The following MORN3 variants were observed in gnomAD, a reference collection of about 807,000 sequenced individuals.
MORN3 encodes the protein MORN repeat containing 3, also known as MORN repeat-containing protein 3.
A neutral mutation model predicts 34.7 loss-of-function variants in MORN3; 38 were observed. The ratio of observed to expected loss-of-function variants is 1.10; its 90% confidence interval spans 0.85 to 1.44. MORN3 has a LOEUF of 1.44. Among genes scored for constraint, MORN3 ranks in the 40% most tolerant of loss-of-function variants. The pLI is 0.00. For synonymous variants in MORN3, 109 were observed against 115.3 expected (o/e 0.95, Z 0.35); for missense variants, 311 against 321.7 (o/e 0.97, Z 0.25).
upstream of MORN3, among the ~76,000 whole-genome samples, chr12:121,672,382 C>T (rs1163430855): frequency 6.6e-6 from 1 of 152,130 alleles, no homozygotes; most frequent in Non-Finnish European, 1.5e-5. Context: ...ATGCCTTGAT[C>T]CTAGGAGGTC....
intron 1 of MORN3, among the ~76,000 whole-genome samples, chr12:121,668,400 G>A (rs1020312553): frequency 3.9e-5 from 6 of 152,074 alleles, no homozygotes; most frequent in Non-Finnish European, 7.4e-5. Context: ...AAGTAGCCAG[G>A]CGTGGTGGCA....
At chr12:121,663,304 T>G (rs1446185282) in intron 1 of MORN3, among the ~76,000 whole-genome samples, 1 of 151,802 alleles carries the variant, frequency 6.6e-6, no homozygotes, top group African/African-American at 2.4e-5. Context: ...GTTCAAGCGA[T>G]TCTCCTGTCT....
intron 1 of MORN3, among the ~76,000 whole-genome samples, chr12:121,664,282 C>A (rs1315942529): frequency 6.6e-6 from 1 of 152,214 alleles, no homozygotes; most frequent in South Asian, 2.1e-4. Context: ...ATGAAAGAGG[C>A]CTGATGAATA....
chr12:121,654,318 T>G lies in MORN3; in HGVS notation c.419A>C (p.Gln140Pro). 1 of 1,602,478 alleles carries G rather than the reference T, an allele frequency of 6.2e-7. No individual in the cohort carries two copies. The highest frequency in any genetic ancestry group is 1.1e-5 in the South Asian group (1 of 88,782). ...YYSNGDIYEG[Q>P]WENDKPNGEG... ...CCCGTTGGGCTTGTCGTTCTCCCAC[T>G]GTCCCTCGTAGATGTCGCCGTTGCT... Residue 140 changes from glutamine (Q) to proline (P), a missense_variant, in exon 3 of 6, where the codon CAG (glutamine) becomes CCG (proline). Physicochemically the swap from Gln to Pro is moderately conservative, Grantham distance 76. Transcript: ENST00000355329.
intron 5 of MORN3, among the ~76,000 whole-genome samples, chr12:121,652,158 AC>A (rs1267214178): frequency 3.3e-5 from 5 of 151,496 alleles, no homozygotes; most frequent in African/African-American, 1.2e-4. Context: ...CTAGTCTTGA[AC>A]TCCTGACCTC....
Position 121,652,736 on chromosome 12 carries a change from A to G in MORN3, c.721T>C (p.Ter241ArgextTer35). ...AMFRKTEEGD* is the reference protein window; with the variant it reads ...AMFRKTEEGDR Reference sequence around the variant, plus strand: ...GTGTGCCCACCCCTCACCTGGCATCAATCTCCTTCCTCTGTCTTCCTGAAC... The same window carrying G: ...GTGTGCCCACCCCTCACCTGGCATCGATCTCCTTCCTCTGTCTTCCTGAAC... The change falls in exon 5 of 6, where the codon TGA becomes CGA. Residue 241 changes from the stop codon to arginine (R), a stop_lost. Coordinates refer to ENST00000355329, the MANE Select transcript of MORN3 (RefSeq NM_173855.5). The G allele has an allele frequency of 6.2e-7, 1 of 1,614,110 alleles. No homozygotes were observed. Among genetic ancestry groups the G allele is most frequent in the Non-Finnish European group, 8.5e-7 (1 of 1,179,978 alleles).
rs782132054 is a variant in MORN3, at chr12:121,653,058, TGGTG to T, written c.648+13_648+16del. The T allele has an allele frequency of 6.3e-7, 1 of 1,592,966 alleles. No homozygotes were observed. ...CTGTCTGGGTGTGGCCACAGGGCCCTGGTGAGGGCTGCCCACCTCAGGAATGGGG... is the reference window on the plus strand; with the variant it reads ...CTGTCTGGGTGTGGCCACAGGGCCCTAGGGCTGCCCACCTCAGGAATGGGG... On this transcript the variant is annotated intron_variant, in intron 4 of 5. Transcript: ENST00000355329.
upstream of MORN3, chr12:121,672,495 A>C (rs1893996739): frequency 6.6e-6 from 1 of 152,236 alleles, no homozygotes; most frequent in Non-Finnish European, 1.5e-5. Context: ...ACAGTGGAAG[A>C]GGGAGGAGCC....
At chr12:121,652,204 G>A (rs1555325157) in intron 5 of MORN3, among the ~76,000 whole-genome samples, 1 of 151,786 alleles carries the variant, frequency 6.6e-6, no homozygotes. Context: ...AAAGTGCTGG[G>A]ATTACAGGAT....
chr12:121,660,819 C>A (rs1266012085), intron 1 of MORN3, among the ~76,000 whole-genome samples: 1 of 152,000 alleles, frequency 6.6e-6, no homozygotes, highest in African/African-American at 2.4e-5. Context: ...CAGGAATGCA[C>A]CAGCACGCCT....
chr12:121,671,360 C>G (rs955695639), upstream of MORN3, among the ~76,000 whole-genome samples: 7 of 142,582 alleles, frequency 4.9e-5, no homozygotes, highest in Middle Eastern at 0.012. Flanking sequence ...GAGCCGAGAT[C>G]GCGCCACTGC....
intron 2 of MORN3, among the ~76,000 whole-genome samples, chr12:121,658,434 C>T (rs1462999482): frequency 2.6e-5 from 4 of 151,790 alleles, no homozygotes; most frequent in Non-Finnish European, 5.9e-5. Flanking sequence ...GGCGTGGTGG[C>T]GGGCGCCTGT....
chr12:121,652,923 C>A, intron 4 of MORN3, 115 bp from the exon 5 acceptor site: 1 of 1,442,048 alleles, frequency 6.9e-7, no homozygotes, highest in Non-Finnish European at 9.6e-7. Flanking sequence ...AGCCACCTCC[C>A]TTGCTAGGGA....
chr12:121,659,152 C>G, intron 2 of MORN3, 39 bp downstream of exon 2: 1 of 1,601,480 alleles, frequency 6.2e-7, no homozygotes, highest in South Asian at 1.1e-5. Flanking sequence ...CACACACACA[C>G]ACACACACAC....
chr12:121,663,998 G>A (rs80025084), intron 1 of MORN3, among the ~76,000 whole-genome samples: 2,492 of 152,194 alleles, frequency 0.016, 82 homozygotes, highest in African/African-American at 0.056. Context: ...CCCAATCAGT[G>A]TATTCTACCC....
intron 1 of MORN3, among the ~76,000 whole-genome samples, chr12:121,663,199 CT>C (rs34572988): frequency 0.039 from 5,423 of 139,892 alleles, 110 homozygotes; most frequent in African/African-American, 0.07. Context: ...GAAATGTAGA[CT>C]TTTTTTTTTT....
At chr12:121,660,464 C>A (rs1893549301) in intron 1 of MORN3, among the ~76,000 whole-genome samples, 1 of 146,568 alleles carries the variant, frequency 6.8e-6, no homozygotes, top group Admixed American at 6.8e-5. Context: ...GATTCTCCTG[C>A]CTTAGCCACC....
At chr12:121,665,360 G>C in intron 1 of MORN3, among the ~76,000 whole-genome samples, 1 of 127,124 alleles carries the variant, frequency 7.9e-6, no homozygotes, top group African/African-American at 2.9e-5. Context: ...GCGCGATCTC[G>C]GCTCACTGCA....
chr12:121,661,887 A>G (rs989513436), intron 1 of MORN3, among the ~76,000 whole-genome samples: 2 of 150,704 alleles, frequency 1.3e-5, no homozygotes, highest in Admixed American at 6.6e-5. Flanking sequence ...AAGAAAGAGA[A>G]GGAGAGAGGG....
Sources: allele counts gnomAD v4.1 joint callset (sites outside exome capture counted in the v4.1 genomes callset), GRCh38; gene constraint gnomAD v4.1.1; transcripts MANE v1.5; gene names NCBI Gene and HGNC (gene_info 2026-07-23, HGNC 2026-07-21).